Variants in PLEKHA5 observed in about 807,000 individuals in gnomAD.
The protein encoded by PLEKHA5 is pleckstrin homology domain-containing family A member 5.
Under a neutral mutation model 181.9 loss-of-function variants are expected in PLEKHA5, and 55 were observed. The ratio of observed to expected loss-of-function variants is 0.30; its 90% CI spans 0.24 to 0.38. PLEKHA5 has a LOEUF of 0.38. Ranked by LOEUF, PLEKHA5 falls within the 10% of genes least tolerant of loss-of-function variation. The probability of loss-of-function intolerance (pLI) is 1.00; values close to 1 mark genes in which losing one functional copy is unlikely to be tolerated. For missense variants in PLEKHA5, 1,432 were observed against 1,549.5 expected, an observed-to-expected ratio of 0.92 and a Z score of 1.27; for synonymous variants, 535 against 529.4, an observed-to-expected ratio of 1.01 and a Z score of -0.15.
At chr12:19,292,796 G>A (rs188992088) in intron 15 of PLEKHA5, among the ~76,000 whole-genome samples, 27 of 152,156 alleles carry the variant, frequency 1.8e-4, no homozygotes, top group East Asian at 1.2e-3. Context: ...AAAACTAGCC[G>A]AGCATGGTGG....
At chr12:19,273,767 C>T (rs1297731971) in intron 10 of PLEKHA5, among the ~76,000 whole-genome samples, 1 of 152,140 alleles carries the variant, frequency 6.6e-6, no homozygotes, top group Non-Finnish European at 1.5e-5. Context: ...CAGATTCTAA[C>T]CCAAGATTGC....
At chr12:19,332,231 G>T (rs1256792062) in intron 20 of PLEKHA5, among the ~76,000 whole-genome samples, 2 of 152,132 alleles carry the variant, frequency 1.3e-5, no homozygotes, top group Non-Finnish European at 2.9e-5. Context: ...TTATGATCAT[G>T]CCACTGCCTT....
intron 11 of PLEKHA5, among the ~76,000 whole-genome samples, chr12:19,275,997 G>A (rs1016683020): frequency 1.3e-5 from 2 of 152,198 alleles, no homozygotes; most frequent in Non-Finnish European, 2.9e-5. Flanking sequence ...CCAGGGTGCT[G>A]TAGGAACACA....
intron 3 of PLEKHA5, among the ~76,000 whole-genome samples, chr12:19,156,108 G>A (rs775375755): frequency 7.9e-5 from 12 of 151,930 alleles, no homozygotes; most frequent in South Asian, 6.2e-4. Context: ...ATCAGTTATC[G>A]CGCAAAGTTC....
chr12:19,179,887 A>G (rs2048163172), intron 3 of PLEKHA5, among the ~76,000 whole-genome samples: 2 of 152,262 alleles, frequency 1.3e-5, no homozygotes, highest in East Asian at 3.9e-4. Flanking sequence ...TTTTAAAGAG[A>G]AAGGGTCTCG....
intron 3 of PLEKHA5, among the ~76,000 whole-genome samples, chr12:19,234,215 G>GT (rs2061059147): frequency 6.6e-6 from 1 of 152,210 alleles, no homozygotes; most frequent in African/African-American, 2.4e-5. Flanking sequence ...TCAGCTGTCA[G>GT]TTTGTTAAGC....
intron 8 of PLEKHA5, 112 bp downstream of exon 8, chr12:19,265,962 A>G (rs2070220079): frequency 1.2e-5 from 6 of 511,188 alleles, no homozygotes; most frequent in Non-Finnish European, 2.1e-5. Context: ...TTTTATATTT[A>G]AAATATATTA....
chr12:19,272,644 G>A (rs1228902635), intron 10 of PLEKHA5, among the ~76,000 whole-genome samples: 1 of 152,060 alleles, frequency 6.6e-6, no homozygotes, highest in East Asian at 1.9e-4. Context: ...GGCTGAGAGG[G>A]AAGGATCACT....
At chr12:19,161,997 T>C (rs1363819535) in intron 3 of PLEKHA5, among the ~76,000 whole-genome samples, 1 of 152,198 alleles carries the variant, frequency 6.6e-6, no homozygotes, top group African/African-American at 2.4e-5. Context: ...ATATGAAATA[T>C]CTAAATTCTA....
intron 3 of PLEKHA5, among the ~76,000 whole-genome samples, chr12:19,189,830 A>G (rs1392561623): frequency 6.6e-6 from 1 of 152,242 alleles, no homozygotes; most frequent in African/African-American, 2.4e-5. Context: ...TGAAAAACTA[A>G]TAAAAATGAG....
intron 11 of PLEKHA5, among the ~76,000 whole-genome samples, chr12:19,282,804 G>A (rs1051224523): frequency 2.6e-5 from 4 of 152,208 alleles, no homozygotes; most frequent in African/African-American, 9.6e-5. Context: ...TGATATAGAT[G>A]CTGTTTATCT....
intron 20 of PLEKHA5, among the ~76,000 whole-genome samples, chr12:19,334,327 G>GTATACT (rs2153107396): frequency 6.6e-6 from 1 of 152,326 alleles, no homozygotes; most frequent in African/African-American, 2.4e-5. Context: ...AAAATTGAAA[G>GTATACT]TATACTGTGC....
intron 20 of PLEKHA5, among the ~76,000 whole-genome samples, chr12:19,330,252 G>A (rs1307580864): frequency 1.3e-5 from 2 of 152,096 alleles, no homozygotes; most frequent in African/African-American, 4.8e-5. Context: ...AACTAAACAT[G>A]GGAGTTAACA....
intron 3 of PLEKHA5, chr12:19,207,218 AG>A (rs1276922049): frequency 6.6e-6 from 1 of 152,100 alleles, no homozygotes; most frequent in African/African-American, 2.4e-5. Flanking sequence ...TTTCATGGCA[AG>A]ATTGTATTAT....
intron 3 of PLEKHA5, among the ~76,000 whole-genome samples, chr12:19,251,835 CTT>C (rs2065413034): frequency 6.7e-6 from 1 of 148,334 alleles, no homozygotes; most frequent in South Asian, 2.2e-4. Flanking sequence ...AGGGGACAAA[CTT>C]TGGTAGAATT....
chr12:19,268,384 T>G (rs1190399899), intron 8 of PLEKHA5, among the ~76,000 whole-genome samples: 1 of 152,240 alleles, frequency 6.6e-6, no homozygotes, highest in Non-Finnish European at 1.5e-5. Flanking sequence ...ACTACAATGT[T>G]AAAATAGCAA....
At chr12:19,223,161 C>G (rs2059229954) in intron 3 of PLEKHA5, among the ~76,000 whole-genome samples, 1 of 151,934 alleles carries the variant, frequency 6.6e-6, no homozygotes, top group South Asian at 2.1e-4. Flanking sequence ...AATGTGTGCT[C>G]TGCTGTTGTC....
intron 3 of PLEKHA5, among the ~76,000 whole-genome samples, chr12:19,186,788 A>T (rs1389167072): frequency 6.6e-6 from 1 of 152,164 alleles, no homozygotes; most frequent in Non-Finnish European, 1.5e-5. Context: ...TGGGCATTGT[A>T]TGCAGAATTT....
rs564544124 is a variant in PLEKHA5, at chr12:19,247,239, C to T, written c.228-6701C>T. Among the ~76,000 whole-genome samples, 65 of 152,270 alleles carry T rather than the reference C, an allele frequency of 4.3e-4. No individual in the cohort carries two copies. In the South Asian group the frequency reaches 6.8e-3, roughly 16 times the overall value. On this transcript the variant is annotated intron_variant, in intron 3 of 31. Transcript: ENST00000429027. ...AGTTATTTATATAAAAGAAACCTGT[C>T]ACTTAAAGTTGATTTAAACCTGGTA...
Sources: gnomAD v4.1 joint callset for allele counts (sites outside exome capture counted in the v4.1 genomes callset) on GRCh38, gnomAD v4.1.1 for gene constraint, MANE v1.5 for transcripts, NCBI Gene and HGNC (gene_info 2026-07-23, HGNC 2026-07-21) for gene names.